Variants in ERI3 observed in about 807,000 individuals in gnomAD.
ERI3 encodes ERI1 exoribonuclease 3.
ERI3 carries 18 observed loss-of-function variants against 44.4 expected under a neutral mutation model. The observed-to-expected ratio is 0.41, with a 90% CI of 0.28 to 0.60. The LOEUF (loss-of-function observed/expected upper bound fraction) is 0.60, where lower values mean the gene tolerates loss of function less well. Among genes scored for constraint, ERI3 ranks in the 20% least tolerant of loss-of-function variants. ERI3 has a pLI of 0.36. For missense variants in ERI3, 294 were observed against 435.5 expected (o/e 0.68, Z 2.89); for synonymous variants, 183 against 164.8 (o/e 1.11, Z -0.84).
Position 44,352,606 on chromosome 1 carries a change from G to A in ERI3, c.211+244C>T, listed in dbSNP as rs527816803. Among the ~76,000 whole-genome samples the A allele has an allele frequency of 2.6e-5, 4 of 152,280 alleles. No homozygotes were observed. The South Asian group carries it at 8.3e-4, about 32-fold the overall frequency. ...AGATGCCCATAAAGCAGTTGTGACA[G>A]AACTTGACAGTCTGGATCTCCCACC... On this transcript the variant is annotated intron_variant, in intron 2 of 8. Coordinates refer to ENST00000372257, the MANE Select transcript of ERI3 (RefSeq NM_024066.3).
chr1:44,298,928 T>G (rs929476710), intron 6 of ERI3, among the ~76,000 whole-genome samples: 1 of 152,140 alleles, frequency 6.6e-6, no homozygotes, highest in Non-Finnish European at 1.5e-5. Context: ...GAGTATGCCT[T>G]GCATGATTCC....
chr1:44,319,088 C>A (rs1474751549), intron 4 of ERI3, among the ~76,000 whole-genome samples: 2 of 152,206 alleles, frequency 1.3e-5, no homozygotes, highest in East Asian at 3.8e-4. Context: ...AAGTACAGTA[C>A]CCACCTAGGA....
intron 7 of ERI3, among the ~76,000 whole-genome samples, chr1:44,269,225 C>A (rs1645045064): frequency 6.6e-6 from 1 of 152,154 alleles, no homozygotes; most frequent in African/African-American, 2.4e-5. Flanking sequence ...GCCAAGAGAC[C>A]ACAAGAAGAA....
At chr1:44,285,960 T>G (rs1572189320) in intron 6 of ERI3, among the ~76,000 whole-genome samples, 1 of 152,076 alleles carries the variant, frequency 6.6e-6, no homozygotes, top group Admixed American at 6.5e-5. Flanking sequence ...AAGAGCAGGG[T>G]AGAAGCCAGT....
intron 2 of ERI3, among the ~76,000 whole-genome samples, chr1:44,341,385 T>C (rs1036848152): frequency 6.6e-6 from 1 of 152,368 alleles, no homozygotes; most frequent in South Asian, 2.1e-4. Context: ...TATTGGGCTA[T>C]GCCCACCTGG....
In ERI3 at chr1:44,328,288, G is replaced by A. The variant is rs112415861; in HGVS notation, c.490-8544C>T. 1.4e-4 allele frequency among the ~76,000 whole-genome samples: 19 copies of A among 136,410 alleles called. 1 individual carries two copies. The highest frequency in any genetic ancestry group is 6.4e-4 in the East Asian group (3 of 4,658). The allele number at this position is 136,410 out of a possible 152,430, so 89.5% of individuals were successfully genotyped here. On this transcript the variant is annotated intron_variant, in intron 3 of 8. Transcript: ENST00000372257. ...CTGTCCCATATGATCCCACATCTCC[G>A]TAAGCAGGCAGGAATCACTCCCCTG... is the stretch of plus-strand genomic sequence containing the variant.
At chr1:44,222,168 A>C (rs1414880955) in intron 8 of ERI3, among the ~76,000 whole-genome samples, 1 of 152,194 alleles carries the variant, frequency 6.6e-6, no homozygotes, top group Admixed American at 6.5e-5. Context: ...ACTAGTGACA[A>C]GGCACAAGGC....
At chr1:44,286,270 G>A (rs2154323543) in intron 6 of ERI3, among the ~76,000 whole-genome samples, 1 of 152,298 alleles carries the variant, frequency 6.6e-6, no homozygotes, top group Admixed American at 6.5e-5. Context: ...CCCATCTTTA[G>A]TACGCCACTA....
chr1:44,239,550 C>T lies in ERI3; in HGVS notation c.931+8389G>A, dbSNP rs556110484. On this transcript the variant is annotated intron_variant, in intron 8 of 8. Coordinates refer to ENST00000372257, the MANE Select transcript of ERI3 (RefSeq NM_024066.3). ...AATTCCTGCTGGGAGGCCCCATTCA[C>T]TCTCCTGCCTCAGAAGCAAGAGGGG... Among the ~76,000 whole-genome samples, 154 of 152,344 alleles carry T rather than the reference C, an allele frequency of 1.0e-3. 1 individual carries two copies. The highest frequency in any genetic ancestry group is 6.8e-3 in the Middle Eastern group (2 of 294).
rs746399155 is a variant in ERI3 at position 44,241,702 on chromosome 1, G to C, written c.931+6237C>G. On this transcript the variant is annotated intron_variant, in intron 8 of 8. Coordinates refer to ENST00000372257, the MANE Select transcript of ERI3 (RefSeq NM_024066.3). This position sits in a 1 kb window ranked among gnomAD's most constrained non-coding sequence, Gnocchi z 5.6. Reference sequence around the variant, plus strand: ...TTGTCATTTAAGTCTGCGATGGTTTGACAGGAGATACAGAGAGAGACAAGG... The same window carrying C: ...TTGTCATTTAAGTCTGCGATGGTTTCACAGGAGATACAGAGAGAGACAAGG... Among the ~76,000 whole-genome samples, 22 of 152,134 alleles carry C rather than the reference G, an allele frequency of 1.4e-4. No individual in the cohort carries two copies. The highest frequency in any genetic ancestry group is 5.3e-4 in the African/African-American group (22 of 41,416).
At chr1:44,244,562 T>C (rs1557779834) in intron 8 of ERI3, among the ~76,000 whole-genome samples, 1 of 152,134 alleles carries the variant, frequency 6.6e-6, no homozygotes, top group Non-Finnish European at 1.5e-5. Flanking sequence ...GTGTACTGAA[T>C]GAAAGAAAGT....
At chr1:44,301,082 G>A (rs896662025) in intron 6 of ERI3, among the ~76,000 whole-genome samples, 1 of 152,184 alleles carries the variant, frequency 6.6e-6, no homozygotes. Context: ...AGGGGCAGCA[G>A]GGAGAGATTT....
At chr1:44,338,344 C>T (rs72891793) in intron 3 of ERI3, among the ~76,000 whole-genome samples, 7,130 of 152,252 alleles carry the variant, frequency 0.047, 570 homozygotes, top group African/African-American at 0.16. Flanking sequence ...ACATGTCCAC[C>T]GGGGCTGCAG....
chr1:44,287,084 A>T (rs892563400), intron 6 of ERI3, among the ~76,000 whole-genome samples: 2 of 152,220 alleles, frequency 1.3e-5, no homozygotes, highest in Non-Finnish European at 2.9e-5. Flanking sequence ...ATATATAGAA[A>T]TGATTTTTGA....
At chr1:44,238,309 C>T (rs573126955) in intron 8 of ERI3, among the ~76,000 whole-genome samples, 1 of 152,064 alleles carries the variant, frequency 6.6e-6, no homozygotes, top group South Asian at 2.1e-4. Context: ...GAGGCAGCCG[C>T]GGGGCCAGGG....
intron 7 of ERI3, among the ~76,000 whole-genome samples, chr1:44,268,136 C>T (rs570081877): frequency 1.0e-3 from 155 of 152,306 alleles, no homozygotes; most frequent in Non-Finnish European, 1.6e-3. Flanking sequence ...ATTTCTATCA[C>T]TGTACTTACC....
intron 7 of ERI3, among the ~76,000 whole-genome samples, chr1:44,280,242 C>T (rs780912503): frequency 5.9e-5 from 9 of 152,126 alleles, no homozygotes; most frequent in Non-Finnish European, 1.3e-4. Context: ...TATTAGATTC[C>T]TATCTTTTAT....
chr1:44,225,002 A>G (rs930813883), intron 8 of ERI3, among the ~76,000 whole-genome samples: 5 of 152,192 alleles, frequency 3.3e-5, no homozygotes, highest in African/African-American at 1.2e-4. Context: ...CAGAAGAAGC[A>G]CTAGAGACAG....
intron 5 of ERI3, among the ~76,000 whole-genome samples, chr1:44,308,792 G>C (rs1338249503): frequency 1.3e-5 from 2 of 152,170 alleles, no homozygotes; most frequent in Non-Finnish European, 1.5e-5. Context: ...CCCCAAACAG[G>C]AGCTCCAACC....
Sources: gnomAD v4.1 joint callset for allele counts (sites outside exome capture counted in the v4.1 genomes callset) on GRCh38, gnomAD v4.1.1 for gene constraint, Gnocchi (gnomAD v3.1) non-coding constraint, MANE v1.5 for transcripts, NCBI Gene and HGNC (gene_info 2026-07-23, HGNC 2026-07-21) for gene names.